PCM1: variants seen among roughly 807,000 people sequenced by gnomAD.
The protein encoded by PCM1 is pericentriolar material 1, also known as pericentriolar material 1 protein.
In PCM1, 157 loss-of-function variants were observed where a neutral mutation model predicts 241.9. That is an observed-to-expected ratio of 0.65 (90% CI 0.57 to 0.74). The LOEUF (loss-of-function observed/expected upper bound fraction) is 0.74. Among genes scored for constraint, PCM1 ranks in the 30% least tolerant of loss-of-function variants. The pLI is 0.00. For missense variants in PCM1, 3,478 were observed against 2,360.1 expected, an observed-to-expected ratio of 1.47 and a Z score of -9.81; for synonymous variants, 1,085 against 784.9, an observed-to-expected ratio of 1.38 and a Z score of -6.39.
In PCM1 at chr8:18,010,808, C is replaced by A. The variant is rs561546426; in HGVS notation, c.5220+140C>A. On this transcript the variant is annotated intron_variant, in intron 32 of 38. Coordinates refer to ENST00000325083, the MANE Select transcript of PCM1 (RefSeq NM_006197.4). ...CCAGCCTGGCCAACATGGTGAAACCCCGTCCATACTAAAAATACAAAAATT... is the reference window on the plus strand; with the variant it reads ...CCAGCCTGGCCAACATGGTGAAACCACGTCCATACTAAAAATACAAAAATT... The A allele has an allele frequency of 8.5e-6, 5 of 586,510 alleles. No homozygotes were observed. In the Admixed American group the frequency reaches 1.4e-4, roughly 16 times the overall value. The allele number at this position is 586,510 out of a possible 1,614,324, so 36.3% of individuals were successfully genotyped here.
intron 29 of PCM1, among the ~76,000 whole-genome samples, chr8:18,000,051 A>C (rs2088703317): frequency 6.6e-6 from 1 of 152,182 alleles, no homozygotes; most frequent in South Asian, 2.1e-4. Flanking sequence ...CAGAATTAAA[A>C]TTTGGTGATA....
In PCM1 at chr8:17,955,462, T is replaced by A. The variant is rs1237725211; in HGVS notation, c.1289-8T>A. ...AAAAAAAATTTTTTGTTGTTGTGCC[T>A]TCTTCAGCCTCTCCACAAAGGAGTG... is the stretch of plus-strand genomic sequence containing the variant. On this transcript the variant is annotated splice_region_variant and splice_polypyrimidine_tract_variant and intron_variant, in intron 9 of 38. Coordinates refer to ENST00000325083, the MANE Select transcript of PCM1 (RefSeq NM_006197.4). The A allele has an allele frequency of 6.4e-7, 1 of 1,564,648 alleles. No individual in the cohort carries two copies. Among genetic ancestry groups the A allele is most frequent in the East Asian group, 2.3e-5 (1 of 44,080 alleles).
intron 10 of PCM1, 137 bp from the exon 11 acceptor site, chr8:17,956,467 C>CAT (rs2068544822): frequency 4.9e-6 from 3 of 615,344 alleles, no homozygotes; most frequent in Non-Finnish European, 5.7e-6. Context: ...ACAGTCATAC[C>CAT]CCCTGGAGAG....
At chr8:17,988,550 A>T (rs1175681472) in intron 26 of PCM1, among the ~76,000 whole-genome samples, 1 of 151,878 alleles carries the variant, frequency 6.6e-6, no homozygotes, top group East Asian at 1.9e-4. Context: ...AAGAAATTAG[A>T]CTTAACAAAA....
At chr8:17,993,252 G>A (rs1340499537) in intron 28 of PCM1, among the ~76,000 whole-genome samples, 4 of 151,858 alleles carry the variant, frequency 2.6e-5, no homozygotes, top group Admixed American at 2.0e-4. Flanking sequence ...ATTTTTTATT[G>A]ATTACAAGTA....
At chr8:17,956,845 A>G in intron 11 of PCM1, 68 bp downstream of exon 11, 3 of 1,232,566 alleles carry the variant, frequency 2.4e-6, no homozygotes, top group Non-Finnish European at 3.5e-6. Context: ...ATGTGGGAAC[A>G]AAAATACTTC....
intron 9 of PCM1, among the ~76,000 whole-genome samples, chr8:17,954,496 A>G (rs1253114048): frequency 1.3e-5 from 2 of 152,110 alleles, no homozygotes; most frequent in African/African-American, 4.8e-5. Context: ...CCTTGTCGTC[A>G]GTTTTGTATG....
chr8:18,011,078 T>A (rs1371768526), intron 32 of PCM1, among the ~76,000 whole-genome samples, 159 bp from the exon 33 acceptor site: 1 of 152,226 alleles, frequency 6.6e-6, no homozygotes, highest in Non-Finnish European at 1.5e-5. Context: ...AATGACCTTT[T>A]TCCTGACACT....
chr8:18,023,584 G>C (rs943978184), intron 36 of PCM1, among the ~76,000 whole-genome samples: 1 of 152,156 alleles, frequency 6.6e-6, no homozygotes, highest in African/African-American at 2.4e-5. Context: ...ATTAGATATT[G>C]TTGCCCCAAA....
chr8:18,027,594 A>T (rs1373495936), intron 38 of PCM1, 43 bp from the exon 39 acceptor site: 1 of 1,417,488 alleles, frequency 7.1e-7, no homozygotes. Context: ...AATTCTAGTA[A>T]TTCGATAAGT....
intron 29 of PCM1, among the ~76,000 whole-genome samples, chr8:17,996,293 C>G (rs1248064945): frequency 6.6e-6 from 1 of 152,100 alleles, no homozygotes; most frequent in Non-Finnish European, 1.5e-5. Context: ...TTAAAATGAT[C>G]ATATGGGTTT....
chr8:17,985,293 T>C (rs2082234465), intron 24 of PCM1, among the ~76,000 whole-genome samples, 154 bp from the exon 25 acceptor site: 1 of 151,882 alleles, frequency 6.6e-6, no homozygotes, highest in African/African-American at 2.4e-5. Context: ...CTTGGTAATA[T>C]TAAGCTTCTT....
Position 17,957,564 on chromosome 8 carries a change from A to C in PCM1, c.1829A>C (p.Glu610Ala). 1 of 1,575,652 alleles carries C rather than the reference A, an allele frequency of 6.3e-7. No individual in the cohort carries two copies. Among genetic ancestry groups the C allele is most frequent in the Non-Finnish European group, 8.6e-7 (1 of 1,158,916 alleles). The part of the protein sequence containing the change: ...SLDCRYNREG[E>A]QEIHVAQGED... ...GATTGTCGATATAATAGAGAAGGGG[A>C]ACAGGAGATTCATGTTGCACAAGGT... is the stretch of plus-strand genomic sequence containing the variant. Residue 610 changes from glutamate to alanine, a missense_variant, in exon 13 of 39, where the codon GAA (glutamate) becomes GCA (alanine). Transcript: ENST00000325083.
chr8:17,976,651 G>A (rs1288068254), intron 23 of PCM1, among the ~76,000 whole-genome samples: 1 of 152,112 alleles, frequency 6.6e-6, no homozygotes, highest in Non-Finnish European at 1.5e-5. Flanking sequence ...AGAGTGCCAT[G>A]GCTGATCTCT....
intron 32 of PCM1, 68 bp downstream of exon 32, chr8:18,010,736 C>A (rs2467555): frequency 0.76 from 847,445 of 1,114,320 alleles, 326,185 homozygotes; most frequent in Non-Finnish European, 0.79. Context: ...TAATCGCAGC[C>A]CTTTGGGAGG....
rs572738131 is a variant in PCM1 at position 17,929,115 on chromosome 8, C to G, written c.-23+4335C>G. On this transcript the variant is annotated intron_variant, in intron 2 of 38. Coordinates refer to ENST00000325083, the MANE Select transcript of PCM1 (RefSeq NM_006197.4). ...TAATACATTCCAGTTATGGAATTGA[C>G]CCTCACTACCCCTGCTGAAATTTCT... 4.6e-5 allele frequency among the ~76,000 whole-genome samples: 7 copies of G among 152,128 alleles called. No homozygotes were observed. In the South Asian group the frequency reaches 1.5e-3, roughly 32 times the overall value.
At chr8:18,011,560 A>G in intron 33 of PCM1, 107 bp from the exon 34 acceptor site, 1 of 1,137,164 alleles carries the variant, frequency 8.8e-7, no homozygotes, top group South Asian at 1.7e-5. Context: ...TGAGGATTTC[A>G]GATACTGTAT....
intron 18 of PCM1, 121 bp downstream of exon 18, chr8:17,964,889 A>C: frequency 1.4e-6 from 1 of 705,228 alleles, no homozygotes; most frequent in Non-Finnish European, 2.4e-6. Flanking sequence ...TTCAATTTTT[A>C]CACTAACTAC....
rs986075870 is a variant in PCM1, at chr8:17,969,674, T to C, written c.3510T>C (p.Ser1170=). Residue 1170 remains serine, a synonymous_variant, in exon 22 of 39, where the codon TCT becomes TCC. Transcript: ENST00000325083. ...SEQQQPLAQN[S]SGKTEYMAFP... ...AGCAGCAACCCTTAGCCCAGAATTC[T>C]TCAGGAAAAACAGAATATATGGCTT... The C allele has an allele frequency of 3.1e-6, 5 of 1,613,160 alleles. No individual in the cohort carries two copies. The African/African-American group carries it at 6.7e-5, about 22-fold the overall frequency.
Sources: gnomAD v4.1 joint callset for allele counts (sites outside exome capture counted in the v4.1 genomes callset) on GRCh38, gnomAD v4.1.1 for gene constraint, MANE v1.5 for transcripts, NCBI Gene and HGNC (gene_info 2026-07-23, HGNC 2026-07-21) for gene names.